PARD3B: variants seen among roughly 807,000 people sequenced by gnomAD.
PARD3B encodes partitioning defective 3 homolog B.
PARD3B carries 103 observed loss-of-function variants against 130.2 expected under a neutral mutation model. The observed-to-expected ratio is 0.79, with a 90% confidence interval of 0.67 to 0.93. The LOEUF is 0.93. Among genes scored for constraint, PARD3B ranks in the 40% least tolerant of loss-of-function variants. The pLI is 0.00. For synonymous variants in PARD3B, 583 were observed against 553.2 expected, an observed-to-expected ratio of 1.05 and a Z score of -0.76; for missense variants, 1,609 against 1,499.2, an observed-to-expected ratio of 1.07 and a Z score of -1.21.
rs2029888342 is a variant in PARD3B, at chr2:204,545,866, C to T, written c.-134C>T. On this transcript the variant is annotated 5_prime_UTR_variant, in exon 1 of 23. Coordinates refer to ENST00000406610, the MANE Select transcript of PARD3B (RefSeq NM_001302769.2). The stretch of plus-strand genomic sequence containing the variant: ...AGGGGCGCTGCCGCGAGCCTCCGGG[C>T]CTCAGGGTGTTCCGGGGAGCGGCGC... 7.9e-6 allele frequency: 8 copies of T among 1,009,636 alleles called. No individual in the cohort carries two copies. Among genetic ancestry groups the T allele is most frequent in the Non-Finnish European group, 1.1e-5 (8 of 739,106 alleles). The allele number at this position is 1,009,636 out of a possible 1,614,324, so 62.5% of individuals were successfully genotyped here.
intron 1 of PARD3B, among the ~76,000 whole-genome samples, chr2:204,653,609 G>T (rs2035554380): frequency 6.6e-6 from 1 of 150,476 alleles, no homozygotes; most frequent in South Asian, 2.1e-4. Flanking sequence ...TGACCAACAA[G>T]GTGAAACCCC....
intron 16 of PARD3B, among the ~76,000 whole-genome samples, chr2:205,298,417 T>G (rs2041870655): frequency 6.6e-6 from 1 of 152,208 alleles, no homozygotes; most frequent in Non-Finnish European, 1.5e-5. Context: ...ATATGCCTCT[T>G]TCTGGATTTA....
At chr2:205,083,394 T>C (rs371581684) in intron 4 of PARD3B, among the ~76,000 whole-genome samples, 35 of 151,428 alleles carry the variant, frequency 2.3e-4, no homozygotes, top group African/African-American at 8.5e-4. Context: ...AGTCTTAAAC[T>C]AAGTAAGAAT....
At chr2:205,214,006 T>A (rs554193926) in intron 15 of PARD3B, among the ~76,000 whole-genome samples, 1 of 152,248 alleles carries the variant, frequency 6.6e-6, no homozygotes, top group South Asian at 2.1e-4. Flanking sequence ...TCAAATTGTT[T>A]GTGGCCCCTC....
rs1380991397 is a variant in PARD3B, at chr2:205,619,969, G to C, written c.*4156G>C. On this transcript the variant is annotated 3_prime_UTR_variant, in exon 23 of 23. Transcript: ENST00000406610. ...GTTTCCTGTGCTTTTGTGATTCCAA[G>C]TCTGTTCATAAGTTCTGAAGATAAA... 1 of 152,120 alleles carries C rather than the reference G, an allele frequency of 6.6e-6. No individual in the cohort carries two copies. The highest frequency in any genetic ancestry group is 1.9e-4 in the East Asian group (1 of 5,182). 9.4% of individuals were successfully genotyped at this position (152,120 alleles called of 1,614,324 possible). A position where few individuals can be genotyped will look rare whatever the true frequency, so the allele number is the denominator to read the frequency against.
intron 16 of PARD3B, among the ~76,000 whole-genome samples, chr2:205,296,986 A>C (rs1440930502): frequency 6.6e-6 from 1 of 151,974 alleles, no homozygotes; most frequent in Non-Finnish European, 1.5e-5. Flanking sequence ...AATAATTTTT[A>C]TGTGAGATCC....
intron 16 of PARD3B, among the ~76,000 whole-genome samples, chr2:205,249,088 C>A (rs1399788258): frequency 1.4e-5 from 2 of 145,106 alleles, no homozygotes; most frequent in African/African-American, 5.2e-5. Context: ...CTGCTCACTG[C>A]AACCTCTGCC....
chr2:205,090,919 AC>A (rs1198086533), intron 4 of PARD3B, among the ~76,000 whole-genome samples: 1 of 152,168 alleles, frequency 6.6e-6, no homozygotes, highest in Non-Finnish European at 1.5e-5. Flanking sequence ...TTCATCCTCT[AC>A]CAGTTTTCAT....
At chr2:204,764,832 C>T (rs150402565) in intron 2 of PARD3B, among the ~76,000 whole-genome samples, 2 of 151,728 alleles carry the variant, frequency 1.3e-5, no homozygotes, top group African/African-American at 4.8e-5. Context: ...CTTATATAAA[C>T]CTCATATTTA....
At chr2:205,054,817 C>T (rs920366543) in intron 4 of PARD3B, among the ~76,000 whole-genome samples, 1 of 152,052 alleles carries the variant, frequency 6.6e-6, no homozygotes, top group Non-Finnish European at 1.5e-5. Flanking sequence ...ACATCTAAAG[C>T]AGTTAAACAG....
intron 21 of PARD3B, among the ~76,000 whole-genome samples, chr2:205,528,165 T>C (rs2110947): frequency 0.37 from 56,098 of 152,026 alleles, 11,551 homozygotes; most frequent in Admixed American, 0.51. Context: ...CACAGTAGCC[T>C]CTCATGAAGC....
intron 15 of PARD3B, among the ~76,000 whole-genome samples, chr2:205,195,280 A>G (rs182594557): frequency 6.6e-6 from 1 of 152,222 alleles, no homozygotes; most frequent in Admixed American, 6.5e-5. Context: ...GTTACGAGCT[A>G]TTTTCTTCAG....
At chr2:205,029,854 TG>T (rs1473858731) in intron 3 of PARD3B, among the ~76,000 whole-genome samples, 11 of 152,160 alleles carry the variant, frequency 7.2e-5, no homozygotes, top group Non-Finnish European at 1.0e-4. Context: ...CTGGGCTAGA[TG>T]TGTTTTCTTA....
chr2:205,429,199 T>A (rs769556448), intron 19 of PARD3B, among the ~76,000 whole-genome samples: 5 of 152,230 alleles, frequency 3.3e-5, no homozygotes, highest in Non-Finnish European at 5.9e-5. Context: ...CATAAGTTTA[T>A]AATTATGTTC....
At chr2:204,793,138 T>A (rs2042254227) in intron 2 of PARD3B, among the ~76,000 whole-genome samples, 1 of 152,230 alleles carries the variant, frequency 6.6e-6, no homozygotes, top group African/African-American at 2.4e-5. Flanking sequence ...GTGATTTGTA[T>A]TTGCAAAATA....
chr2:205,214,572 C>A (rs541304201), intron 15 of PARD3B, among the ~76,000 whole-genome samples: 2 of 151,534 alleles, frequency 1.3e-5, no homozygotes, highest in South Asian at 4.2e-4. Flanking sequence ...GGTTTAAACA[C>A]TTGGTACAGA....
intron 5 of PARD3B, among the ~76,000 whole-genome samples, chr2:205,108,558 A>G (rs1703394603): frequency 6.6e-6 from 1 of 151,900 alleles, no homozygotes. Context: ...CTCACAGACT[A>G]TCCTCGTTCA....
At chr2:205,294,815 A>G (rs971221342) in intron 16 of PARD3B, among the ~76,000 whole-genome samples, 1 of 152,188 alleles carries the variant, frequency 6.6e-6, no homozygotes. Flanking sequence ...CCCAAATGAC[A>G]GCAGATAATG....
rs76508057 is a variant in PARD3B at position 205,117,099 on chromosome 2, T to C, written c.681-1822T>C. ...CGTTTATAACCACATGTGAGCCTCC[T>C]AATGAATCAAGTTATTGTGAATCCA... On this transcript the variant is annotated intron_variant, in intron 6 of 22. Coordinates refer to ENST00000406610, the MANE Select transcript of PARD3B (RefSeq NM_001302769.2). Among the ~76,000 whole-genome samples the C allele has an allele frequency of 9.7e-3, 1,471 of 152,346 alleles. 26 individuals carry two copies. The highest frequency in any genetic ancestry group is 0.034 in the African/African-American group (1,396 of 41,582).
Sources: allele counts gnomAD v4.1 joint callset (sites outside exome capture counted in the v4.1 genomes callset), GRCh38; gene constraint gnomAD v4.1.1; transcripts MANE v1.5; gene names NCBI Gene and HGNC (gene_info 2026-07-23, HGNC 2026-07-21).